The following DNAH14 variants were observed in gnomAD, a reference collection of about 807,000 sequenced individuals.
DNAH14 encodes axonemal beta dynein heavy chain 14.
Under a neutral mutation model 520.9 loss-of-function variants are expected in DNAH14, and 478 were observed. The ratio of observed to expected loss-of-function variants is 0.92; its 90% CI spans 0.85 to 0.99. The LOEUF (loss-of-function observed/expected upper bound fraction) is 0.99, where lower values mean the gene tolerates loss of function less well. Ranked by LOEUF, DNAH14 falls within the 50% of genes least tolerant of loss-of-function variation. The pLI, the probability that DNAH14 is intolerant of heterozygous loss-of-function variation, is 0.00. For synonymous variants in DNAH14, 1,581 were observed against 1,757.2 expected, an observed-to-expected ratio of 0.90 and a Z score of 2.51; for missense variants, 4,831 against 5,234.5, an observed-to-expected ratio of 0.92 and a Z score of 2.38.
chr1:225,131,683 A>G (rs1303279294), intron 27 of DNAH14, among the ~76,000 whole-genome samples: 2 of 152,236 alleles, frequency 1.3e-5, no homozygotes, highest in Non-Finnish European at 2.9e-5. Context: ...ATCTTTGTAG[A>G]GAGCCATTAT....
intron 47 of DNAH14, 22 bp downstream of exon 47, chr1:225,264,283 C>A: frequency 6.6e-7 from 1 of 1,519,530 alleles, no homozygotes; most frequent in South Asian, 1.2e-5. Flanking sequence ...AGTACAGTTT[C>A]AAAGCTATGC....
chr1:225,284,275 G>T (rs2093689380), intron 54 of DNAH14, among the ~76,000 whole-genome samples: 1 of 151,650 alleles, frequency 6.6e-6, no homozygotes, highest in African/African-American at 2.4e-5. Flanking sequence ...AAAAAATGAA[G>T]AAAAGACTCA....
At chr1:225,139,705 C>A (rs995109386) in intron 27 of DNAH14, among the ~76,000 whole-genome samples, 11 of 152,220 alleles carry the variant, frequency 7.2e-5, no homozygotes, top group African/African-American at 2.7e-4. Context: ...TCCTCCTTTA[C>A]CCTACACTGA....
chr1:224,965,979 T>G (rs74554361), intron 5 of DNAH14, among the ~76,000 whole-genome samples: 11,674 of 152,228 alleles, frequency 0.077, 1,442 homozygotes, highest in African/African-American at 0.26. Flanking sequence ...GAACATATTC[T>G]TATGCTTTTA....
At chr1:225,037,325 G>A (rs977490354) in intron 11 of DNAH14, among the ~76,000 whole-genome samples, 3 of 151,980 alleles carry the variant, frequency 2.0e-5, no homozygotes, top group Non-Finnish European at 2.9e-5. Context: ...CTTCCTTTTA[G>A]TGAAGGTGAT....
intron 60 of DNAH14, among the ~76,000 whole-genome samples, chr1:225,314,114 G>A (rs2094422317): frequency 6.6e-6 from 1 of 152,178 alleles, no homozygotes; most frequent in South Asian, 2.1e-4. Flanking sequence ...TTATGAATCT[G>A]GGTGCTCCTG....
intron 36 of DNAH14, 86 bp from the exon 37 acceptor site, chr1:225,185,205 A>G: frequency 2.0e-5 from 28 of 1,382,204 alleles, no homozygotes; most frequent in Non-Finnish European, 2.6e-5. Flanking sequence ...GCCACAAAAA[A>G]TAAAATAGTC....
rs72470459 is a variant in DNAH14 at position 224,974,175 on chromosome 1, A to G, written c.830+22A>G. On this transcript the variant is annotated intron_variant, in intron 8 of 85. Coordinates refer to ENST00000682510, the MANE Select transcript of DNAH14 (RefSeq NM_001367479.1). Reference sequence around the variant, plus strand: ...GCAGGTAAGTTTTGATACGCAATATATAAAAATTTCAAAAGGAAGCTGTAT... The same window carrying G: ...GCAGGTAAGTTTTGATACGCAATATGTAAAAATTTCAAAAGGAAGCTGTAT... 99,519 of 1,427,590 alleles carry G rather than the reference A, an allele frequency of 0.07. 3,862 individuals are homozygous for G. Among genetic ancestry groups the G allele is most frequent in the Non-Finnish European group, 0.077 (82,876 of 1,077,694 alleles). The allele number at this position is 1,427,590 out of a possible 1,614,324, so 88.4% of individuals were successfully genotyped here.
intron 55 of DNAH14, among the ~76,000 whole-genome samples, chr1:225,292,418 G>T (rs1231329640): frequency 6.6e-6 from 1 of 152,054 alleles, no homozygotes; most frequent in Non-Finnish European, 1.5e-5. Context: ...TTGATACATG[G>T]ATTAATTTCT....
intron 38 of DNAH14, among the ~76,000 whole-genome samples, chr1:225,203,596 A>G (rs1001295640): frequency 6.6e-6 from 1 of 152,198 alleles, no homozygotes; most frequent in African/African-American, 2.4e-5. Flanking sequence ...TCAAGATAAT[A>G]AGGAGTTAAT....
At chr1:225,086,648 G>GA (rs2073839195) in intron 21 of DNAH14, among the ~76,000 whole-genome samples, 1 of 151,226 alleles carries the variant, frequency 6.6e-6, no homozygotes, top group Non-Finnish European at 1.5e-5. Context: ...AATTTTGAGG[G>GA]AAAAAACTCA....
At chr1:225,364,750 C>T (rs913982666) in intron 75 of DNAH14, 42 bp from the exon 76 acceptor site, 3 of 1,394,406 alleles carry the variant, frequency 2.2e-6, no homozygotes, top group Non-Finnish European at 2.9e-6. Context: ...TGTTGGTTTA[C>T]ATTTTTCACA....
At chr1:225,082,195 T>TGTGTGTGTGTGTGTGTGTGC (rs1160515173) in intron 19 of DNAH14, among the ~76,000 whole-genome samples, 1 of 151,824 alleles carries the variant, frequency 6.6e-6, no homozygotes, top group Non-Finnish European at 1.5e-5. Context: ...TGTGTGTGTG[T>TGTGTGTGTGTGTGTGTGTGC]GTGCACATGC....
chr1:225,168,020 C>A lies in DNAH14; in HGVS notation c.5527C>A (p.Gln1843Lys). The A allele has an allele frequency of 6.6e-7, 1 of 1,517,468 alleles. No homozygotes were observed. The highest frequency in any genetic ancestry group is 8.9e-7 in the Non-Finnish European group (1 of 1,124,312). 94.0% of individuals were successfully genotyped at this position (1,517,468 alleles called of 1,614,324 possible). The change falls in exon 36 of 86, where the codon CAA becomes AAA. Residue 1843 changes from glutamine (Q) to lysine (K), a missense_variant. Physicochemically the swap from Gln to Lys is moderately conservative, Grantham distance 53 (BLOSUM62 1). Coordinates refer to ENST00000682510, the MANE Select transcript of DNAH14 (RefSeq NM_001367479.1). ...AGAGAAGATTATACAGTTTTATAAT[C>A]AACTTCAGGTAAGTATAAAATGGCA... ...QKEKIIQFYN[Q>K]LQVCVGVMLV... is the part of the protein sequence containing the mutation.
At chr1:225,336,032 TAC>T (rs75185700) in intron 66 of DNAH14, among the ~76,000 whole-genome samples, 17 of 112,116 alleles carry the variant, frequency 1.5e-4, no homozygotes, top group African/African-American at 2.9e-4. Flanking sequence ...TATATGTATA[TAC>T]ACACATATAT....
intron 23 of DNAH14, 134 bp downstream of exon 23, chr1:225,101,018 C>A: frequency 1.6e-6 from 1 of 644,598 alleles, no homozygotes; most frequent in Non-Finnish European, 2.5e-6. Context: ...TTTTTAAACT[C>A]TCACTACCTA....
chr1:225,238,858 G>A (rs903817135), intron 42 of DNAH14, among the ~76,000 whole-genome samples: 1 of 152,158 alleles, frequency 6.6e-6, no homozygotes, highest in Non-Finnish European at 1.5e-5. Context: ...CAGTGAAGAC[G>A]AATGAATTGG....
Position 225,254,367 on chromosome 1 carries a change from G to T in DNAH14, c.6865+1950G>T, listed in dbSNP as rs2092664970. Among the ~76,000 whole-genome samples the T allele has an allele frequency of 2.0e-5, 3 of 152,254 alleles. No individual in the cohort carries two copies. The South Asian group carries it at 6.2e-4, about 32-fold the overall frequency. On this transcript the variant is annotated intron_variant, in intron 44 of 85. Transcript: ENST00000682510. Reference sequence around the variant, plus strand: ...TCACAGAAAAAATCCTGAAATACCTGACATTGACTTAAAAGTCAGATGCTG... The same window carrying T: ...TCACAGAAAAAATCCTGAAATACCTTACATTGACTTAAAAGTCAGATGCTG...
intron 41 of DNAH14, among the ~76,000 whole-genome samples, chr1:225,213,336 A>G (rs1315161072): frequency 6.6e-6 from 1 of 152,018 alleles, no homozygotes; most frequent in Non-Finnish European, 1.5e-5. Context: ...TTGAAGTCAG[A>G]AAGCATGATG....
Sources: gnomAD v4.1 joint callset for allele counts (sites outside exome capture counted in the v4.1 genomes callset) on GRCh38, gnomAD v4.1.1 for gene constraint, MANE v1.5 for transcripts, NCBI Gene and HGNC (gene_info 2026-07-23, HGNC 2026-07-21) for gene names.